Variants in GLT8D2 observed in about 807,000 individuals in gnomAD.
The protein encoded by GLT8D2 is glycosyltransferase 8 domain-containing protein 2.
In GLT8D2, 45 loss-of-function variants were observed where a neutral mutation model predicts 44.5. That is an observed-to-expected ratio of 1.01 (90% CI 0.80 to 1.30). The LOEUF is 1.30. Among genes scored for constraint, GLT8D2 ranks in the 50% most tolerant of loss-of-function variants. The probability of loss-of-function intolerance (pLI) is 0.00; values close to 1 mark genes in which losing one functional copy is unlikely to be tolerated. For missense variants in GLT8D2, 400 were observed against 430.4 expected (o/e 0.93, Z 0.62); for synonymous variants, 156 against 157.2 (o/e 0.99, Z 0.06).
intron 4 of GLT8D2, among the ~76,000 whole-genome samples, chr12:104,013,503 C>T (rs1464596131): frequency 6.6e-6 from 1 of 152,084 alleles, no homozygotes; most frequent in Non-Finnish European, 1.5e-5. Flanking sequence ...GAATTATACC[C>T]TAAGAACATT....
chr12:104,017,575 G>C (rs1415022624), intron 3 of GLT8D2, among the ~76,000 whole-genome samples: 2 of 152,080 alleles, frequency 1.3e-5, no homozygotes, highest in Non-Finnish European at 2.9e-5. Context: ...CTCCCACCTT[G>C]GTCTCCCAAA....
chr12:104,055,268 G>A (rs1183800455), intron 1 of GLT8D2, among the ~76,000 whole-genome samples: 1 of 152,236 alleles, frequency 6.6e-6, no homozygotes, highest in Non-Finnish European at 1.5e-5. Context: ...AAGTCAGAGG[G>A]CAAGAAGCTC....
chr12:104,050,295 G>A (rs949534664), upstream of GLT8D2: 1 of 152,244 alleles, frequency 6.6e-6, no homozygotes, highest in Non-Finnish European at 1.5e-5. Flanking sequence ...TGTTCTGGAG[G>A]AAAAGACACA....
chr12:104,027,434 G>C (rs1878715944), intron 1 of GLT8D2, among the ~76,000 whole-genome samples: 3 of 152,226 alleles, frequency 2.0e-5, no homozygotes, highest in Non-Finnish European at 4.4e-5. Flanking sequence ...TGAGCTCTAA[G>C]TCCCTCAGGC....
chr12:104,061,405 G>A (rs1000180409), intron 1 of GLT8D2, among the ~76,000 whole-genome samples: 2 of 151,942 alleles, frequency 1.3e-5, no homozygotes, highest in African/African-American at 4.8e-5. Context: ...TGCTATAAGG[G>A]CATTAGAAAA....
At chr12:103,998,086 A>T (rs1052152135) in intron 6 of GLT8D2, among the ~76,000 whole-genome samples, 1 of 152,106 alleles carries the variant, frequency 6.6e-6, no homozygotes, top group Admixed American at 6.6e-5. Flanking sequence ...CATGGCTTGT[A>T]CTCTGACAAC....
intron 1 of GLT8D2, among the ~76,000 whole-genome samples, chr12:104,041,395 CAG>C (rs1217024276): frequency 7.2e-5 from 11 of 152,176 alleles, no homozygotes; most frequent in Non-Finnish European, 1.0e-4. Flanking sequence ...GCCTGGGCGA[CAG>C]AAAGAGACTC....
At chr12:104,032,466 C>CAAAAAAAAAAAAATAAAAAAAAAAAA (rs1879386148) in intron 1 of GLT8D2, among the ~76,000 whole-genome samples, 1 of 59,700 alleles carries the variant, frequency 1.7e-5, no homozygotes, top group Non-Finnish European at 3.5e-5. Flanking sequence ...TGTGCAATAG[C>CAAAAAAAAAAAAATAAAAAAAAAAAA]AAAAAAAAAA....
At chr12:103,992,484 T>G (rs1872864318) in intron 10 of GLT8D2, among the ~76,000 whole-genome samples, 1 of 147,754 alleles carries the variant, frequency 6.8e-6, no homozygotes, top group Non-Finnish European at 1.5e-5. Flanking sequence ...TCTCTCTCTC[T>G]CTCTCTCTTT....
At chr12:104,041,937 A>C (rs1880609553) in intron 1 of GLT8D2, among the ~76,000 whole-genome samples, 1 of 152,214 alleles carries the variant, frequency 6.6e-6, no homozygotes, top group Non-Finnish European at 1.5e-5. Context: ...TACTCCGTTC[A>C]TTCTTATGTT....
upstream of GLT8D2, among the ~76,000 whole-genome samples, chr12:104,054,699 T>C (rs1160492014): frequency 5.3e-5 from 8 of 152,186 alleles, no homozygotes; most frequent in African/African-American, 9.6e-5. Flanking sequence ...AGCAGACATC[T>C]GCTGTCTAGT....
chr12:104,054,466 T>C (rs1882004910), upstream of GLT8D2, among the ~76,000 whole-genome samples: 1 of 151,862 alleles, frequency 6.6e-6, no homozygotes, highest in Admixed American at 6.5e-5. Context: ...AATGCTGCAA[T>C]GAACATGGGG....
chr12:104,006,205 G>C (rs530756206), intron 4 of GLT8D2, among the ~76,000 whole-genome samples: 38 of 144,998 alleles, frequency 2.6e-4, no homozygotes, highest in African/African-American at 9.7e-4. Flanking sequence ...GACACAGGAA[G>C]GGGAACATCA....
At chr12:104,045,941 G>GAAAGAA (rs1555281908) in intron 1 of GLT8D2, among the ~76,000 whole-genome samples, 10 of 117,236 alleles carry the variant, frequency 8.5e-5, no homozygotes, top group East Asian at 2.9e-4. Flanking sequence ...GAAAGAAAAA[G>GAAAGAA]AAAGAAAGAA....
At chr12:104,008,804 A>G (rs1232007894) in intron 4 of GLT8D2, among the ~76,000 whole-genome samples, 1 of 152,252 alleles carries the variant, frequency 6.6e-6, no homozygotes, top group Non-Finnish European at 1.5e-5. Flanking sequence ...CACTCCAGCC[A>G]TGGCTGAAAG....
At chr12:104,009,796 A>G (rs1875578928) in intron 4 of GLT8D2, among the ~76,000 whole-genome samples, 1 of 152,150 alleles carries the variant, frequency 6.6e-6, no homozygotes, top group Admixed American at 6.6e-5. Context: ...AATAAGTCTC[A>G]TGAGATCTGA....
intron 4 of GLT8D2, among the ~76,000 whole-genome samples, chr12:104,005,843 G>A (rs1324008050): frequency 1.3e-5 from 2 of 152,162 alleles, no homozygotes; most frequent in Non-Finnish European, 2.9e-5. Flanking sequence ...CAAGGATCTA[G>A]AACTAGAAAT....
At chr12:103,995,298 C>G (rs1250825883) in intron 8 of GLT8D2, among the ~76,000 whole-genome samples, 1 of 152,184 alleles carries the variant, frequency 6.6e-6, no homozygotes, top group Non-Finnish European at 1.5e-5. Flanking sequence ...CTGCCATACC[C>G]TATATCATCT....
chr12:103,993,904 C>A (rs187645954), intron 9 of GLT8D2: 3 of 166,602 alleles, frequency 1.8e-5, no homozygotes, highest in Non-Finnish European at 3.8e-5. Flanking sequence ...TTGTATTAGA[C>A]TTATTTTTAT....
Sources: allele counts gnomAD v4.1 joint callset (sites outside exome capture counted in the v4.1 genomes callset), GRCh38; gene constraint gnomAD v4.1.1; transcripts MANE v1.5; gene names NCBI Gene and HGNC (gene_info 2026-07-23, HGNC 2026-07-21).